Variants in MAN1C1 observed in about 807,000 individuals in gnomAD.
The protein encoded by MAN1C1 is mannosidase alpha class 1C member 1.
MAN1C1 carries 49 observed loss-of-function variants against 71.5 expected under a neutral mutation model. The observed-to-expected ratio is 0.69, with a 90% CI of 0.54 to 0.87. The LOEUF (loss-of-function observed/expected upper bound fraction) is 0.87, where lower values mean the gene tolerates loss of function less well. MAN1C1 is among the 40% of genes least tolerant of loss of function. The probability of loss-of-function intolerance (pLI) is 0.00; values close to 1 mark genes in which losing one functional copy is unlikely to be tolerated. For synonymous variants in MAN1C1, 352 were observed against 343.7 expected (o/e 1.02, Z -0.27); for missense variants, 743 against 835.0 (o/e 0.89, Z 1.36).
intron 1 of MAN1C1, among the ~76,000 whole-genome samples, chr1:25,669,406 G>A (rs1460154283): frequency 6.6e-6 from 1 of 152,138 alleles, no homozygotes; most frequent in Non-Finnish European, 1.5e-5. Flanking sequence ...AGTAGCAATG[G>A]AAGATTAAAT....
intron 1 of MAN1C1, among the ~76,000 whole-genome samples, chr1:25,667,612 T>G (rs1373409722): frequency 6.6e-6 from 1 of 152,218 alleles, no homozygotes; most frequent in Non-Finnish European, 1.5e-5. Context: ...TAATTGTTCT[T>G]CGGCATTCTA....
chr1:25,643,249 A>T (rs199987385), intron 1 of MAN1C1, among the ~76,000 whole-genome samples: 9,355 of 122,044 alleles, frequency 0.077, 868 homozygotes, highest in African/African-American at 0.29. Flanking sequence ...TTAATTAATT[A>T]ATTAATTTAT....
At chr1:25,770,086 C>T (rs2047529899) in intron 7 of MAN1C1, among the ~76,000 whole-genome samples, 1 of 152,114 alleles carries the variant, frequency 6.6e-6, no homozygotes, top group Non-Finnish European at 1.5e-5. Context: ...GCCTCCCCGG[C>T]CCCTCCTCTG....
Position 25,749,254 on chromosome 1 carries a change from G to C in MAN1C1, c.754-1G>C, listed in dbSNP as rs1430863414. On this transcript the variant is annotated splice_acceptor_variant, in intron 3 of 11. Coordinates refer to ENST00000374332, the MANE Select transcript of MAN1C1 (RefSeq NM_020379.4). LOFTEE classifies it high-confidence loss of function. The stretch of plus-strand genomic sequence containing the variant: ...TCCCCCTCCTTCTTTCTGTCCTGCA[G>C]AGCGGAGAAGCATCCTTGTTTGAGG... 4 of 1,611,212 alleles carry C rather than the reference G, an allele frequency of 2.5e-6. No homozygotes were observed. The highest frequency in any genetic ancestry group is 2.5e-6 in the Non-Finnish European group (3 of 1,178,512).
At chr1:25,740,205 C>G (rs995172236) in intron 2 of MAN1C1, among the ~76,000 whole-genome samples, 73 of 152,100 alleles carry the variant, frequency 4.8e-4, no homozygotes, top group Middle Eastern at 3.4e-3. Context: ...CAGAGTAGCC[C>G]GCAGCTACCA....
intron 5 of MAN1C1, among the ~76,000 whole-genome samples, chr1:25,754,567 C>T (rs2047260476): frequency 6.6e-6 from 1 of 152,076 alleles, no homozygotes; most frequent in South Asian, 2.1e-4. Context: ...CCGGAGAAAT[C>T]CCAGTCTCGA....
intron 2 of MAN1C1, among the ~76,000 whole-genome samples, chr1:25,687,928 A>C (rs2046257229): frequency 6.6e-6 from 1 of 151,360 alleles, no homozygotes. Flanking sequence ...TCTTCCTTTT[A>C]TATACCATTT....
At chr1:25,628,540 T>C (rs2045332741) in intron 1 of MAN1C1, among the ~76,000 whole-genome samples, 1 of 152,184 alleles carries the variant, frequency 6.6e-6, no homozygotes, top group South Asian at 2.1e-4. Flanking sequence ...ACTCCTGACC[T>C]CAGGTGATCC....
intron 2 of MAN1C1, among the ~76,000 whole-genome samples, chr1:25,731,448 A>T (rs1021628551): frequency 6.6e-6 from 1 of 152,250 alleles, no homozygotes; most frequent in East Asian, 1.9e-4. Flanking sequence ...TGTATCCACT[A>T]GCATCAGTGG....
intron 1 of MAN1C1, among the ~76,000 whole-genome samples, chr1:25,670,679 G>C (rs192658141): frequency 6.6e-6 from 1 of 152,366 alleles, no homozygotes; most frequent in African/African-American, 2.4e-5. Context: ...AGCCTGGTGA[G>C]ATGGAAGAGA....
intron 1 of MAN1C1, among the ~76,000 whole-genome samples, chr1:25,663,789 C>T (rs901272089): frequency 6.6e-6 from 1 of 152,190 alleles, no homozygotes; most frequent in Non-Finnish European, 1.5e-5. Flanking sequence ...AGTGGTAGCA[C>T]TCTATATCAC....
rs11363752 is a variant in MAN1C1, at chr1:25,681,954, T to TAA, written c.541-4476_541-4475dup. 2.5e-3 allele frequency among the ~76,000 whole-genome samples: 368 copies of TAA among 146,730 alleles called. 1 individual carries two copies. Among genetic ancestry groups the TAA allele is most frequent in the African/African-American group, 7.9e-3 (319 of 40,490 alleles). ...TGCTAGTCTAACCCCCTATTTGCCT[T>TAA]AAAAAAAAAAAGCAATTTATTTTTC... On this transcript the variant is annotated intron_variant, in intron 1 of 11. Coordinates refer to ENST00000374332, the MANE Select transcript of MAN1C1 (RefSeq NM_020379.4).
chr1:25,709,276 A>G (rs1352661327), intron 2 of MAN1C1, among the ~76,000 whole-genome samples: 2 of 152,226 alleles, frequency 1.3e-5, no homozygotes, highest in East Asian at 3.8e-4. Context: ...GGAGGCAGTA[A>G]GACCGGCTAA....
At chr1:25,762,640 C>T (rs1355334258) in intron 6 of MAN1C1, among the ~76,000 whole-genome samples, 1 of 151,930 alleles carries the variant, frequency 6.6e-6, no homozygotes, top group African/African-American at 2.4e-5. Flanking sequence ...GTTGCCACGG[C>T]TGGTCTCAAA....
chr1:25,632,975 C>T (rs1292007556), intron 1 of MAN1C1, among the ~76,000 whole-genome samples: 1 of 148,054 alleles, frequency 6.8e-6, no homozygotes, highest in South Asian at 2.1e-4. Context: ...TCAAGTGATT[C>T]TCCTGCCTCA....
In MAN1C1 at chr1:25,725,541, G is replaced by A. The variant is rs1033968882; in HGVS notation, c.638-21127G>A. 6.6e-6 allele frequency among the ~76,000 whole-genome samples: 1 copy of A among 152,210 alleles called. No homozygotes were observed. The highest frequency in any genetic ancestry group is 2.4e-5 in the African/African-American group (1 of 41,452). ...TAGGTAAAGGGCACAGCACGTGCAA[G>A]GGCATGGTGGCGTGAGAGTACAGGA... On this transcript the variant is annotated intron_variant, in intron 2 of 11. Transcript: ENST00000374332. The surrounding 1 kb of genome is among the most constrained non-coding windows in gnomAD (Gnocchi z 4.8).
intron 2 of MAN1C1, among the ~76,000 whole-genome samples, chr1:25,691,486 T>C (rs2046308282): frequency 6.6e-6 from 1 of 152,224 alleles, no homozygotes; most frequent in South Asian, 2.1e-4. Flanking sequence ...CAAGATTGTT[T>C]TGAGAACAAA....
intron 1 of MAN1C1, among the ~76,000 whole-genome samples, chr1:25,625,649 C>T (rs1274109557): frequency 6.6e-6 from 1 of 152,062 alleles, no homozygotes; most frequent in Non-Finnish European, 1.5e-5. Context: ...GACCCTGTCG[C>T]TCTCTCTTTC....
At chr1:25,618,671 T>C (rs1462193439) in intron 1 of MAN1C1, among the ~76,000 whole-genome samples, 1 of 151,888 alleles carries the variant, frequency 6.6e-6, no homozygotes, top group East Asian at 1.9e-4. Context: ...CTTTGTGGAG[T>C]TGCTAATGAG....
Sources: gnomAD v4.1 joint callset for allele counts (sites outside exome capture counted in the v4.1 genomes callset) on GRCh38, gnomAD v4.1.1 for gene constraint, Gnocchi (gnomAD v3.1) non-coding constraint, MANE v1.5 for transcripts, NCBI Gene and HGNC (gene_info 2026-07-23, HGNC 2026-07-21) for gene names.